DPF2: variants seen among roughly 807,000 people sequenced by gnomAD.
DPF2 encodes double PHD fingers 2.
DPF2 carries 10 observed loss-of-function variants against 59.6 expected under a neutral mutation model. That is an observed-to-expected ratio of 0.17 (90% CI 0.10 to 0.28). DPF2 has a LOEUF of 0.28. Ranked by LOEUF, DPF2 falls within the 10% of genes least tolerant of loss-of-function variation. The probability of loss-of-function intolerance (pLI) is 1.00; values close to 1 mark genes in which losing one functional copy is unlikely to be tolerated. For synonymous variants in DPF2, 189 were observed against 190.6 expected, an observed-to-expected ratio of 0.99 and a Z score of 0.07; for missense variants, 315 against 509.4, an observed-to-expected ratio of 0.62 and a Z score of 3.67.
chr11:65,348,955 C>T (rs770999788), intron 10 of DPF2, 24 bp downstream of exon 10: 2 of 1,610,542 alleles, frequency 1.2e-6, no homozygotes, highest in South Asian at 2.2e-5. Context: ...ATCTTTTACT[C>T]AGAACAATTA....
Position 65,344,172 on chromosome 11 carries a change from A to G in DPF2, c.637+103A>G, listed in dbSNP as rs1854461761. The G allele has an allele frequency of 1.1e-5, 13 of 1,199,886 alleles. No homozygotes were observed. In the South Asian group the frequency reaches 1.7e-4, roughly 15 times the overall value. 74.3% of individuals were successfully genotyped at this position (1,199,886 alleles called of 1,614,324 possible). The stretch of plus-strand genomic sequence containing the variant: ...GTGTTTTTGCCCAGAGTATTAAAAC[A>G]AACCTGGGCTCTTGTCCTGCCTGCT... On this transcript the variant is annotated intron_variant, in intron 6 of 10. Coordinates refer to ENST00000528416, the MANE Select transcript of DPF2 (RefSeq NM_006268.5).
At chr11:65,338,486 C>T (rs1854272770) in intron 1 of DPF2, among the ~76,000 whole-genome samples, 1 of 152,250 alleles carries the variant, frequency 6.6e-6, no homozygotes, top group South Asian at 2.1e-4. Flanking sequence ...CATTTGACTT[C>T]CAGTGTCCGT....
Position 65,336,138 on chromosome 11 carries a change from G to A in DPF2, c.32+2220G>A, listed in dbSNP as rs532684891. On this transcript the variant is annotated intron_variant, in intron 1 of 10. Transcript: ENST00000528416. ...CCTCATCTTGTATGACTTGCATCTTGTCCTGGGAAAAGAATTTTCTTATTT... is the reference window on the plus strand; with the variant it reads ...CCTCATCTTGTATGACTTGCATCTTATCCTGGGAAAAGAATTTTCTTATTT... Among the ~76,000 whole-genome samples the A allele has an allele frequency of 7.6e-4, 115 of 152,192 alleles. 1 individual carries two copies. The highest frequency in any genetic ancestry group is 2.0e-3 in the Admixed American group (31 of 15,282).
At chr11:65,351,599 G>A in intron 10 of DPF2, 84 bp from the exon 11 acceptor site, 1 of 1,187,242 alleles carries the variant, frequency 8.4e-7, no homozygotes, top group South Asian at 1.2e-5. Context: ...TCCTGCTATA[G>A]AGATGGGGTA....
intron 10 of DPF2, among the ~76,000 whole-genome samples, chr11:65,349,354 GTCAGTCTGCT>G (rs1854626926): frequency 6.6e-6 from 1 of 152,166 alleles, no homozygotes; most frequent in Admixed American, 6.5e-5. Context: ...GCCTGAATGG[GTCAGTCTGCT>G]TCTCCGATAA....
chr11:65,349,351 T>TG (rs1465797034), intron 10 of DPF2, among the ~76,000 whole-genome samples: 1 of 152,228 alleles, frequency 6.6e-6, no homozygotes, highest in Non-Finnish European at 1.5e-5. Flanking sequence ...GGAGCCTGAA[T>TG]GGGTCAGTCT....
chr11:65,345,490 C>T (rs1219891164), intron 6 of DPF2, 176 bp from the exon 7 acceptor site: 2 of 830,694 alleles, frequency 2.4e-6, no homozygotes, highest in Non-Finnish European at 3.7e-6. Context: ...AGCCCCACGG[C>T]CTGATGCTCC....
At chr11:65,337,817 T>G (rs1275922635) in intron 1 of DPF2, among the ~76,000 whole-genome samples, 4 of 152,092 alleles carry the variant, frequency 2.6e-5, no homozygotes, top group African/African-American at 4.8e-5. Context: ...AATTTTATTT[T>G]TTTTGAGACA....
rs138590272 is a variant in DPF2, at chr11:65,340,833, C to A, written c.194-133C>A. 12 of 928,388 alleles carry A rather than the reference C, an allele frequency of 1.3e-5. 1 individual carries two copies. The South Asian group carries it at 1.9e-4, about 15-fold the overall frequency. 57.5% of individuals were successfully genotyped at this position (928,388 alleles called of 1,614,324 possible). On this transcript the variant is annotated intron_variant, in intron 2 of 10. Transcript: ENST00000528416. ...TTTTCCACAGACTATTCCACCTAACCCCCTAGGCCCTCACTGTCAGAATTT... is the reference window on the plus strand; with the variant it reads ...TTTTCCACAGACTATTCCACCTAACACCCTAGGCCCTCACTGTCAGAATTT...
At chr11:65,344,230 G>A (rs1411858545) in intron 6 of DPF2, 161 bp downstream of exon 6, 1 of 718,484 alleles carries the variant, frequency 1.4e-6, no homozygotes, top group South Asian at 1.7e-5. Flanking sequence ...TGGGAGGCCT[G>A]GGTCCCTGCT....
intron 8 of DPF2, 25 bp from the exon 9 acceptor site, chr11:65,346,222 G>A: frequency 1.9e-6 from 3 of 1,611,892 alleles, no homozygotes; most frequent in Non-Finnish European, 2.5e-6. Flanking sequence ...CCGACTGTCT[G>A]TCTCACTCAC....
chr11:65,351,417 T>A (rs1159253214), intron 10 of DPF2, among the ~76,000 whole-genome samples: 1 of 152,182 alleles, frequency 6.6e-6, no homozygotes, highest in Non-Finnish European at 1.5e-5. Flanking sequence ...TCTGATTTAA[T>A]AGGGCCAAGA....
intron 1 of DPF2, among the ~76,000 whole-genome samples, chr11:65,338,575 G>A (rs757906468): frequency 3.3e-5 from 5 of 152,210 alleles, no homozygotes; most frequent in African/African-American, 1.2e-4. Context: ...TGGTGAAGAC[G>A]TGGCTGCCTC....
At chr11:65,333,976 A>T in intron 1 of DPF2, 58 bp downstream of exon 1, 1,300 of 1,166,486 alleles carry the variant, frequency 1.1e-3, no homozygotes, top group Non-Finnish European at 1.5e-3. Flanking sequence ...GCCTGGGAGT[A>T]GGGGGCGGTG....
At chr11:65,335,075 G>GTT (rs1198760608) in intron 1 of DPF2, among the ~76,000 whole-genome samples, 1,135 of 24,546 alleles carry the variant, frequency 0.046, 16 homozygotes, top group African/African-American at 0.12. Context: ...TCCTCTTGTG[G>GTT]TTTGTTTTTT....
At chr11:65,337,606 C>CTTTTTTTTTTTTTTTTT (rs1329502848) in intron 1 of DPF2, among the ~76,000 whole-genome samples, 1 of 129,620 alleles carries the variant, frequency 7.7e-6, no homozygotes, top group South Asian at 2.7e-4. Flanking sequence ...TTTGTTATTG[C>CTTTTTTTTTTTTTTTTT]TTTTTTTTGT....
At position 65,346,468 on chromosome 11, in the gene DPF2, C is replaced by G; in HGVS notation, c.1017+109C>G. 3 of 892,568 alleles carry G rather than the reference C, an allele frequency of 3.4e-6. No homozygotes were observed. The African/African-American group carries it at 5.0e-5, about 15-fold the overall frequency. 55.3% of individuals were successfully genotyped at this position (892,568 alleles called of 1,614,324 possible). A position where few individuals can be genotyped will look rare whatever the true frequency, so the allele number is the denominator to read the frequency against. Reference sequence around the variant, plus strand: ...TTTTAAAAAGGGAGCAGGATCCCTCCCACATGCCACACGCCCCTCCCTAGC... The same window carrying G: ...TTTTAAAAAGGGAGCAGGATCCCTCGCACATGCCACACGCCCCTCCCTAGC... On this transcript the variant is annotated intron_variant, in intron 9 of 10. Transcript: ENST00000528416.
intron 6 of DPF2, 150 bp downstream of exon 6, chr11:65,344,219 C>T (rs1334894745): frequency 3.3e-5 from 25 of 750,664 alleles, no homozygotes; most frequent in Non-Finnish European, 5.4e-5. Flanking sequence ...TCTGAGACCC[C>T]TGGGAGGCCT....
intron 1 of DPF2, among the ~76,000 whole-genome samples, chr11:65,334,324 C>CCCGTT (rs1358637416): frequency 7.9e-5 from 12 of 151,696 alleles, no homozygotes; most frequent in Non-Finnish European, 1.3e-4. Context: ...CCCGTCCCGT[C>CCCGTT]CCGTTCGCTG....
Sources: gnomAD v4.1 joint callset for allele counts (sites outside exome capture counted in the v4.1 genomes callset) on GRCh38, gnomAD v4.1.1 for gene constraint, MANE v1.5 for transcripts, NCBI Gene and HGNC (gene_info 2026-07-23, HGNC 2026-07-21) for gene names.